The following PARD6G variants were observed in gnomAD, a reference collection of about 807,000 sequenced individuals.
The protein encoded by PARD6G is partitioning defective 6 homolog gamma.
PARD6G carries 7 observed loss-of-function variants against 10.7 expected under a neutral mutation model. That is an observed-to-expected ratio of 0.66 (90% CI 0.37 to 1.23). The LOEUF (loss-of-function observed/expected upper bound fraction) is 1.23, where lower values mean the gene tolerates loss of function less well. PARD6G is among the 50% of genes most tolerant of loss of function. The probability of loss-of-function intolerance (pLI) is 0.02; values close to 1 mark genes in which losing one functional copy is unlikely to be tolerated. For missense variants in PARD6G, 548 were observed against 571.8 expected (o/e 0.96, Z 0.42); for synonymous variants, 287 against 269.4 (o/e 1.07, Z -0.64).
Position 80,188,802 on chromosome 18 carries a change from G to A in PARD6G, c.295+13908C>T, listed in dbSNP as rs1192853151. ...GGGTACAGCAAGTGACAGGCATGTG[G>A]GAGAGACAAGCCCACGAGATGGGCT... is the stretch of plus-strand genomic sequence containing the variant. On this transcript the variant is annotated intron_variant, in intron 2 of 2. Coordinates refer to ENST00000353265, the MANE Select transcript of PARD6G (RefSeq NM_032510.4). This position sits in a 1 kb window ranked among gnomAD's most constrained non-coding sequence, Gnocchi z 5.4. Among the ~76,000 whole-genome samples the A allele has an allele frequency of 1.6e-4, 24 of 152,192 alleles. No individual in the cohort carries two copies. The highest frequency in any genetic ancestry group is 1.6e-3 in the Admixed American group (24 of 15,282).
At chr18:80,185,383 T>A (rs1029313038) in intron 2 of PARD6G, among the ~76,000 whole-genome samples, 7 of 152,084 alleles carry the variant, frequency 4.6e-5, no homozygotes, top group Non-Finnish European at 8.8e-5. Context: ...CAAGCCATCC[T>A]CCTGCCTCAG....
chr18:80,217,859 C>G (rs1339791986), intron 1 of PARD6G, among the ~76,000 whole-genome samples: 1 of 152,136 alleles, frequency 6.6e-6, no homozygotes, highest in African/African-American at 2.4e-5. Context: ...AGGAAACTTA[C>G]AATCATGGTG....
chr18:80,177,463 G>GCA (rs1468658130), intron 2 of PARD6G, among the ~76,000 whole-genome samples: 1 of 142,794 alleles, frequency 7.0e-6, no homozygotes, highest in African/African-American at 2.7e-5. Context: ...CAAATGGGAA[G>GCA]CACACACACA....
Position 80,226,241 on chromosome 18 carries a change from G to A in PARD6G, c.72+21036C>T, listed in dbSNP as rs1290818467. ...GCTGGAGTGCAATAGTGTGATCTTG[G>A]CTCACCGCAACCTCCGCCTCCTGGG... On this transcript the variant is annotated intron_variant, in intron 1 of 2. Coordinates refer to ENST00000353265, the MANE Select transcript of PARD6G (RefSeq NM_032510.4). Among the ~76,000 whole-genome samples, 6 of 133,488 alleles carry A rather than the reference G, an allele frequency of 4.5e-5. No homozygotes were observed. In the Admixed American group the frequency reaches 5.2e-4, roughly 12 times the overall value. 87.6% of individuals were successfully genotyped at this position (133,488 alleles called of 152,430 possible).
intron 1 of PARD6G, among the ~76,000 whole-genome samples, chr18:80,224,841 C>A (rs544290680): frequency 2.8e-5 from 4 of 144,422 alleles, no homozygotes; most frequent in Non-Finnish European, 6.0e-5. Context: ...AGTGAGACTC[C>A]GTTTCAAAAA....
chr18:80,202,287 T>C (rs1967015055), intron 2 of PARD6G, among the ~76,000 whole-genome samples: 1 of 152,192 alleles, frequency 6.6e-6, no homozygotes, highest in Non-Finnish European at 1.5e-5. Flanking sequence ...AATGATATTA[T>C]TACTTATAGC....
In PARD6G at chr18:80,228,009, C is replaced by T. The variant is rs564539836; in HGVS notation, c.72+19268G>A. Among the ~76,000 whole-genome samples the T allele has an allele frequency of 3.9e-4, 59 of 152,144 alleles. No individual in the cohort carries two copies. The highest frequency in any genetic ancestry group is 7.8e-4 in the Non-Finnish European group (53 of 68,034). On this transcript the variant is annotated intron_variant, in intron 1 of 2. Transcript: ENST00000353265. This position sits in a 1 kb window ranked among gnomAD's most constrained non-coding sequence, Gnocchi z 4.6. ...CAGGTAGAAACTTACTCATTGAACC[C>T]GTATTTTCCTGTGCTGGGCTGAACG...
Position 80,213,724 on chromosome 18 carries a change from C to T in PARD6G, c.73-10792G>A, listed in dbSNP as rs1226176030. On this transcript the variant is annotated intron_variant, in intron 1 of 2. Transcript: ENST00000353265. ...CTGTAATCCCAGCACTCTGGGAGGC[C>T]GAGGAGGGCGGATCATGAGGTCAGG... is the stretch of plus-strand genomic sequence containing the variant. Among the ~76,000 whole-genome samples the T allele has an allele frequency of 2.6e-5, 4 of 151,940 alleles. No homozygotes were observed. In the South Asian group the frequency reaches 6.2e-4, roughly 24 times the overall value.
chr18:80,207,450 T>C (rs977562985), intron 1 of PARD6G, among the ~76,000 whole-genome samples: 1 of 152,096 alleles, frequency 6.6e-6, no homozygotes, highest in African/African-American at 2.4e-5. Context: ...TGATTATCAA[T>C]AAATACTTAA....
chr18:80,220,784 T>A (rs771587900), intron 1 of PARD6G, among the ~76,000 whole-genome samples: 2 of 152,100 alleles, frequency 1.3e-5, no homozygotes, highest in Non-Finnish European at 2.9e-5. Flanking sequence ...CTAATTTTTG[T>A]ATTTTTAGTA....
At chr18:80,227,276 T>A (rs983373304) in intron 1 of PARD6G, among the ~76,000 whole-genome samples, 11 of 152,302 alleles carry the variant, frequency 7.2e-5, no homozygotes, top group African/African-American at 2.4e-4. Flanking sequence ...AATAAAACTC[T>A]AGAATTTTAT....
intron 2 of PARD6G, among the ~76,000 whole-genome samples, chr18:80,194,610 C>T (rs1339681948): frequency 6.6e-6 from 1 of 151,946 alleles, no homozygotes; most frequent in African/African-American, 2.4e-5. Flanking sequence ...ATCTTAGTTC[C>T]GTGGGGTAGG....
At chr18:80,243,538 A>T (rs1453311702) in intron 1 of PARD6G, among the ~76,000 whole-genome samples, 2 of 152,162 alleles carry the variant, frequency 1.3e-5, no homozygotes, top group Non-Finnish European at 2.9e-5. Flanking sequence ...TTAGCTTAGA[A>T]TCCAAAAAAG....
In PARD6G at chr18:80,181,579, C is replaced by G. The variant is rs1048003617; in HGVS notation, c.296-20973G>C. Among the ~76,000 whole-genome samples the G allele has an allele frequency of 2.0e-5, 3 of 152,128 alleles. No individual in the cohort carries two copies. The highest frequency in any genetic ancestry group is 4.4e-5 in the Non-Finnish European group (3 of 68,024). On this transcript the variant is annotated intron_variant, in intron 2 of 2. Coordinates refer to ENST00000353265, the MANE Select transcript of PARD6G (RefSeq NM_032510.4). The surrounding 1 kb of genome is among the most constrained non-coding windows in gnomAD (Gnocchi z 7.9). ...AGGTGTGCCCTTCCCCTAAACTCAG[C>G]AGATCGGATCTACCTCCCCTCTCCC... is the stretch of plus-strand genomic sequence containing the variant.
chr18:80,242,791 G>A (rs1368566984), intron 1 of PARD6G, among the ~76,000 whole-genome samples: 1 of 152,088 alleles, frequency 6.6e-6, no homozygotes. Context: ...CAATAAATAC[G>A]AAAATTTCAA....
chr18:80,227,250 G>A (rs1967301992), intron 1 of PARD6G, among the ~76,000 whole-genome samples: 1 of 152,338 alleles, frequency 6.6e-6, no homozygotes, highest in Non-Finnish European at 1.5e-5. Context: ...GCATGGCCTG[G>A]CTTGACCAGT....
chr18:80,226,151 G>GTTTTTTTTTTT (rs10606939), intron 1 of PARD6G, among the ~76,000 whole-genome samples: 1 of 76,570 alleles, frequency 1.3e-5, no homozygotes, highest in African/African-American at 5.4e-5. Flanking sequence ...AATGACTTCA[G>GTTTTTTTTTTT]TTTTTTTTTT....
rs562240352 is a variant in PARD6G, at chr18:80,187,518, G to C, written c.295+15192C>G. Among the ~76,000 whole-genome samples, 101 of 152,320 alleles carry C rather than the reference G, an allele frequency of 6.6e-4. 1 individual carries two copies. The highest frequency in any genetic ancestry group is 2.4e-3 in the African/African-American group (101 of 41,578). On this transcript the variant is annotated intron_variant, in intron 2 of 2. Transcript: ENST00000353265. Reference sequence around the variant, plus strand: ...GGCTGGGCTGTTCCGGTTAGATTTAGTTGTGAATCATCGCAATTCAGGCAT... The same window carrying C: ...GGCTGGGCTGTTCCGGTTAGATTTACTTGTGAATCATCGCAATTCAGGCAT...
At chr18:80,243,578 A>G (rs1967511566) in intron 1 of PARD6G, among the ~76,000 whole-genome samples, 1 of 152,184 alleles carries the variant, frequency 6.6e-6, no homozygotes, top group Non-Finnish European at 1.5e-5. Context: ...GGAAGCACAA[A>G]TGGGATGAAA....
Sources: gnomAD v4.1 joint callset for allele counts (sites outside exome capture counted in the v4.1 genomes callset) on GRCh38, gnomAD v4.1.1 for gene constraint, Gnocchi (gnomAD v3.1) non-coding constraint, MANE v1.5 for transcripts, NCBI Gene and HGNC (gene_info 2026-07-23, HGNC 2026-07-21) for gene names.